ZNF438: variants seen among roughly 807,000 people sequenced by gnomAD.
The protein encoded by ZNF438 is zinc finger protein 438.
A neutral mutation model predicts 38.0 loss-of-function variants in ZNF438; 25 were observed. That is an observed-to-expected ratio of 0.66 (90% confidence interval 0.48 to 0.92). ZNF438 has a LOEUF of 0.92. Among genes scored for constraint, ZNF438 ranks in the 40% least tolerant of loss-of-function variants. The pLI, the probability that ZNF438 is intolerant of heterozygous loss-of-function variation, is 0.00. For missense variants in ZNF438, 1,007 were observed against 999.6 expected, an observed-to-expected ratio of 1.01 and a Z score of -0.10; for synonymous variants, 372 against 364.1, an observed-to-expected ratio of 1.02 and a Z score of -0.25.
intron 1 of ZNF438, among the ~76,000 whole-genome samples, chr10:31,023,506 T>C: frequency 6.6e-6 from 1 of 152,212 alleles, no homozygotes; most frequent in East Asian, 1.9e-4. Flanking sequence ...AAACAAGTGA[T>C]ATTTGTACAT....
At chr10:30,965,128 CA>C (rs1454750343) in intron 1 of ZNF438, among the ~76,000 whole-genome samples, 1 of 152,070 alleles carries the variant, frequency 6.6e-6, no homozygotes, top group Non-Finnish European at 1.5e-5. Context: ...GGGCAAAGGA[CA>C]TAAACAAACA....
At position 30,872,749 on chromosome 10, in the gene ZNF438, C is replaced by CAAAAAAA. The variant is rs10633045; in HGVS notation, c.37+4242_37+4248dup. On this transcript the variant is annotated intron_variant, in intron 4 of 5. Transcript: ENST00000413025. Reference sequence around the variant, plus strand: ...TGGGTGACAGAGTGAGACTCTGTCTCAAAAAAAAAAAAAAAAAAGAATTGA... The same window carrying CAAAAAAA: ...TGGGTGACAGAGTGAGACTCTGTCTCAAAAAAAAAAAAAAAAAAAAAAAAAGAATTGA... 1.0e-3 allele frequency among the ~76,000 whole-genome samples: 90 copies of CAAAAAAA among 88,552 alleles called. 1 individual carries two copies. The highest frequency in any genetic ancestry group is 6.3e-3 in the Middle Eastern group (1 of 158). 58.1% of individuals were successfully genotyped at this position (88,552 alleles called of 152,430 possible).
At chr10:30,971,414 T>C (rs1436978484) in intron 1 of ZNF438, among the ~76,000 whole-genome samples, 1 of 152,144 alleles carries the variant, frequency 6.6e-6, no homozygotes, top group Non-Finnish European at 1.5e-5. Context: ...TATGTATACA[T>C]ATATATGCAT....
At chr10:31,000,060 G>A (rs929415038) in intron 1 of ZNF438, among the ~76,000 whole-genome samples, 1 of 151,972 alleles carries the variant, frequency 6.6e-6, no homozygotes, top group Non-Finnish European at 1.5e-5. Context: ...TGACTTTTAT[G>A]TCGGCAACGA....
At chr10:30,967,034 G>A (rs1297278945) in intron 1 of ZNF438, among the ~76,000 whole-genome samples, 1 of 152,172 alleles carries the variant, frequency 6.6e-6, no homozygotes, top group Non-Finnish European at 1.5e-5. Context: ...GCTATAAGCA[G>A]TAAGAATAAA....
intron 1 of ZNF438, among the ~76,000 whole-genome samples, chr10:30,990,665 T>C (rs1340976307): frequency 3.9e-5 from 6 of 152,190 alleles, no homozygotes; most frequent in African/African-American, 7.2e-5. Flanking sequence ...ATAGGAATTA[T>C]AGAGGTCAGA....
In ZNF438 at chr10:31,007,281, T is replaced by G. The variant is rs1412954472; in HGVS notation, c.-192+24552A>C. Among the ~76,000 whole-genome samples the G allele has an allele frequency of 3.1e-4, 45 of 146,274 alleles. 3 individuals are homozygous for G. Among genetic ancestry groups the G allele is most frequent in the East Asian group, 5.9e-4 (3 of 5,102 alleles). On this transcript the variant is annotated intron_variant, in intron 1 of 5. Transcript: ENST00000413025. ...GTCACAAAGGTTTTTTTGGTGTTTTTTTTTTTTTTTTTTTTTTGGAGACAG... is the reference window on the plus strand; with the variant it reads ...GTCACAAAGGTTTTTTTGGTGTTTTGTTTTTTTTTTTTTTTTTGGAGACAG...
At chr10:30,844,699 ATC>A (rs755450139) in exon 6 of ZNF438, 17 of 374,320 alleles carry the variant, frequency 4.5e-5, no homozygotes, top group Non-Finnish European at 7.1e-5. Flanking sequence ...TCAAATTTTG[ATC>A]TTTTTATTTA....
Position 30,902,990 on chromosome 10 carries a change from C to CACCAGTGG in ZNF438, c.-32+5942_-32+5943insCCACTGGT, listed in dbSNP as rs1554841224. Among the ~76,000 whole-genome samples the CACCAGTGG allele has an allele frequency of 2.9e-3, 132 of 45,344 alleles. 1 individual carries two copies. Among genetic ancestry groups the CACCAGTGG allele is most frequent in the Middle Eastern group, 0.01 (1 of 96 alleles). 29.7% of individuals were successfully genotyped at this position (45,344 alleles called of 152,430 possible). On this transcript the variant is annotated intron_variant, in intron 3 of 5. Transcript: ENST00000413025. ...AGGACCGGGGAGAAATCGAGCGCAG[C>CACCAGTGG]GCCGCACTGCTGGGGGACCGGATGC...
intron 1 of ZNF438, among the ~76,000 whole-genome samples, chr10:30,966,235 T>A (rs1564753484): frequency 6.6e-6 from 1 of 151,734 alleles, no homozygotes; most frequent in Non-Finnish European, 1.5e-5. Context: ...GAGGCTGAGG[T>A]GGGAGGAGCA....
At chr10:30,914,575 C>G (rs887465223) in intron 2 of ZNF438, among the ~76,000 whole-genome samples, 1 of 151,952 alleles carries the variant, frequency 6.6e-6, no homozygotes, top group Non-Finnish European at 1.5e-5. Context: ...CATATATTAT[C>G]TCTTGTAACT....
chr10:30,958,052 A>G (rs2049058262), intron 1 of ZNF438, among the ~76,000 whole-genome samples: 1 of 146,400 alleles, frequency 6.8e-6, no homozygotes, highest in Non-Finnish European at 1.5e-5. Flanking sequence ...TCTTTTTCCC[A>G]ATGTTGCTTT....
intron 3 of ZNF438, among the ~76,000 whole-genome samples, chr10:30,900,244 G>A (rs2041826686): frequency 6.6e-6 from 1 of 151,538 alleles, no homozygotes; most frequent in Non-Finnish European, 1.5e-5. Flanking sequence ...CAACAATTTA[G>A]AAATATAAAA....
intron 1 of ZNF438, among the ~76,000 whole-genome samples, chr10:31,012,243 C>T (rs948854214): frequency 5.3e-5 from 8 of 151,908 alleles, no homozygotes; most frequent in Non-Finnish European, 7.4e-5. Flanking sequence ...CCTGCCTCAG[C>T]CTCCCAAGTA....
At position 30,877,533 on chromosome 10, in the gene ZNF438, C is replaced by T. The variant is rs555974668; in HGVS notation, c.-31-468G>A. 2.0e-5 allele frequency among the ~76,000 whole-genome samples: 3 copies of T among 152,136 alleles called. No homozygotes were observed. In the South Asian group the frequency reaches 6.2e-4, roughly 32 times the overall value. On this transcript the variant is annotated intron_variant, in intron 3 of 5. Coordinates refer to ENST00000413025, the Ensembl canonical transcript of ZNF438. ...AGCAACATAAAAAATGTTAATGATGCGATGCACTGGATAAACATGGATGAA... is the reference window on the plus strand; with the variant it reads ...AGCAACATAAAAAATGTTAATGATGTGATGCACTGGATAAACATGGATGAA...
intron 1 of ZNF438, among the ~76,000 whole-genome samples, chr10:30,964,340 T>A (rs919085462): frequency 1.3e-5 from 2 of 152,184 alleles, no homozygotes; most frequent in South Asian, 2.1e-4. Context: ...GATTTCTCCT[T>A]CCTCAAAGCT....
Position 31,021,339 on chromosome 10 carries a change from A to T in ZNF438, c.-192+10494T>A, listed in dbSNP as rs150103757. On this transcript the variant is annotated intron_variant, in intron 1 of 5. Transcript: ENST00000413025. Reference sequence around the variant, plus strand: ...TAATAATTTAAAATATTACTGTGAAAGATCAATTTAGAAAAATGTTTTGTC... The same window carrying T: ...TAATAATTTAAAATATTACTGTGAATGATCAATTTAGAAAAATGTTTTGTC... Among the ~76,000 whole-genome samples the T allele has an allele frequency of 3.2e-4, 48 of 152,358 alleles. No homozygotes were observed. In the East Asian group the frequency reaches 9.1e-3, roughly 29 times the overall value.
At chr10:30,915,144 A>C (rs1464859176) in intron 2 of ZNF438, among the ~76,000 whole-genome samples, 3 of 152,052 alleles carry the variant, frequency 2.0e-5, no homozygotes, top group Non-Finnish European at 4.4e-5. Context: ...AGACTCTTTA[A>C]AAATAAAAAA....
At position 30,874,114 on chromosome 10, in the gene ZNF438, GTATATATATA is replaced by G. The variant is rs58422289; in HGVS notation, c.37+2874_37+2883del. Among the ~76,000 whole-genome samples, 262 of 80,226 alleles carry G rather than the reference GTATATATATA, an allele frequency of 3.3e-3. 3 individuals carry two copies. Among genetic ancestry groups the G allele is most frequent in the Middle Eastern group, 0.012 (2 of 166 alleles). The allele number at this position is 80,226 out of a possible 152,430, so 52.6% of individuals were successfully genotyped here. ...TGTGGGTGTGTGGGGGTGTGTGTGT[GTATATATATA>G]TATATATATATATATATATATATAT... On this transcript the variant is annotated intron_variant, in intron 4 of 5. Transcript: ENST00000413025.
Sources: allele counts gnomAD v4.1 joint callset (sites outside exome capture counted in the v4.1 genomes callset), GRCh38; gene constraint gnomAD v4.1.1; transcripts MANE v1.5; gene names NCBI Gene and HGNC (gene_info 2026-07-23, HGNC 2026-07-21).